The following PTPRD variants were observed in gnomAD, a reference collection of about 807,000 sequenced individuals.
PTPRD encodes receptor-type tyrosine-protein phosphatase delta.
Under a neutral mutation model 214.5 loss-of-function variants are expected in PTPRD, and 34 were observed. The observed-to-expected ratio is 0.16, with a 90% CI of 0.12 to 0.21. The LOEUF (loss-of-function observed/expected upper bound fraction) is 0.21, where lower values mean the gene tolerates loss of function less well. Among genes scored for constraint, PTPRD ranks in the 10% least tolerant of loss-of-function variants. PTPRD has a pLI of 1.00. For missense variants in PTPRD, 2,545 were observed against 2,398.7 expected (o/e 1.06, Z -1.27); for synonymous variants, 1,128 against 845.7 (o/e 1.33, Z -5.79).
At chr9:9,344,861 G>A (rs1287606208) in intron 9 of PTPRD, among the ~76,000 whole-genome samples, 1 of 152,020 alleles carries the variant, frequency 6.6e-6, no homozygotes, top group Non-Finnish European at 1.5e-5. Context: ...TACCTGTGGG[G>A]CCAATAAATG....
At chr9:10,532,231 G>C (rs986193576) in intron 2 of PTPRD, 1 of 152,498 alleles carries the variant, frequency 6.6e-6, no homozygotes, top group African/African-American at 2.4e-5. Context: ...GAGCTGAACA[G>C]CAAATCACTC....
chr9:9,474,482 C>T (rs1258789349), intron 8 of PTPRD, among the ~76,000 whole-genome samples: 1 of 151,926 alleles, frequency 6.6e-6, no homozygotes, highest in Non-Finnish European at 1.5e-5. Context: ...GTGAAGAATT[C>T]CATTGGTGTT....
intron 11 of PTPRD, among the ~76,000 whole-genome samples, chr9:8,775,842 G>GAA (rs5896257): frequency 1.7e-3 from 246 of 146,512 alleles, no homozygotes; most frequent in South Asian, 0.011. Context: ...TTTGAAAATG[G>GAA]AAAAAAAAAA....
intron 11 of PTPRD, among the ~76,000 whole-genome samples, chr9:8,837,160 G>C (rs1356790906): frequency 6.6e-6 from 1 of 151,754 alleles, no homozygotes; most frequent in Non-Finnish European, 1.5e-5. Context: ...CTAGTAGCTG[G>C]GATTACACCA....
intron 2 of PTPRD, among the ~76,000 whole-genome samples, chr9:10,549,595 A>C (rs192740961): frequency 6.6e-6 from 1 of 152,172 alleles, no homozygotes; most frequent in African/African-American, 2.4e-5. Flanking sequence ...ACAGATCATT[A>C]TGTTTAGACC....
At chr9:10,264,115 G>T (rs947157912) in intron 3 of PTPRD, among the ~76,000 whole-genome samples, 1 of 152,200 alleles carries the variant, frequency 6.6e-6, no homozygotes, top group Admixed American at 6.5e-5. Flanking sequence ...GGAAGTCCAG[G>T]CAGAAGTTTG....
intron 3 of PTPRD, among the ~76,000 whole-genome samples, chr9:10,311,157 C>G (rs913352159): frequency 6.6e-6 from 1 of 151,772 alleles, no homozygotes; most frequent in African/African-American, 2.4e-5. Context: ...TCCTTTTTCT[C>G]TAGTACTAGG....
intron 7 of PTPRD, among the ~76,000 whole-genome samples, chr9:9,596,815 A>T (rs534547074): frequency 6.6e-6 from 1 of 152,040 alleles, no homozygotes; most frequent in South Asian, 2.1e-4. Flanking sequence ...AATATAAAAC[A>T]CAATCTGCCC....
At chr9:9,423,011 G>C (rs939696513) in intron 8 of PTPRD, among the ~76,000 whole-genome samples, 1 of 152,070 alleles carries the variant, frequency 6.6e-6, no homozygotes, top group African/African-American at 2.4e-5. Flanking sequence ...CACAAAGTTT[G>C]GGGAAACCAG....
At chr9:9,514,317 A>G (rs907074117) in intron 8 of PTPRD, among the ~76,000 whole-genome samples, 3 of 152,030 alleles carry the variant, frequency 2.0e-5, no homozygotes, top group Non-Finnish European at 2.9e-5. Flanking sequence ...AGTTTTTTTG[A>G]TGGCATACAG....
chr9:9,296,451 T>C (rs1158389595), intron 9 of PTPRD, among the ~76,000 whole-genome samples: 2 of 151,814 alleles, frequency 1.3e-5, no homozygotes, highest in Non-Finnish European at 2.9e-5. Flanking sequence ...TGACCATATG[T>C]TCAAATATAT....
intron 5 of PTPRD, among the ~76,000 whole-genome samples, chr9:9,799,769 A>G (rs1351890674): frequency 1.3e-5 from 2 of 152,244 alleles, no homozygotes; most frequent in African/African-American, 4.8e-5. Context: ...AAAAGTAACA[A>G]AAGAGTTTGA....
intron 8 of PTPRD, among the ~76,000 whole-genome samples, chr9:9,542,195 C>T (rs1022148895): frequency 9.9e-5 from 15 of 151,660 alleles, no homozygotes; most frequent in African/African-American, 3.4e-4. Context: ...CGCAACAAAC[C>T]CTGGAGACAG....
At position 9,007,048 on chromosome 9, in the gene PTPRD, T is replaced by C. The variant is rs2099474708; in HGVS notation, c.-104+11649A>G. The stretch of plus-strand genomic sequence containing the variant: ...AAGTAAAAAGTAAGTTCAGCTTATC[T>C]TAACTTCTGACTGCTTGGTTATTTT... On this transcript the variant is annotated intron_variant, in intron 11 of 45. Coordinates refer to ENST00000381196, the MANE Select transcript of PTPRD (RefSeq NM_002839.4). Among the ~76,000 whole-genome samples, 6 of 152,074 alleles carry C rather than the reference T, an allele frequency of 3.9e-5. No individual in the cohort carries two copies. In the South Asian group the frequency reaches 1.2e-3, roughly 32 times the overall value.
chr9:8,647,930 G>C (rs527833171), intron 12 of PTPRD, among the ~76,000 whole-genome samples: 1 of 152,276 alleles, frequency 6.6e-6, no homozygotes, highest in Non-Finnish European at 1.5e-5. Flanking sequence ...TCTAGCTCTC[G>C]CATCATACCC....
intron 9 of PTPRD, among the ~76,000 whole-genome samples, chr9:9,373,523 T>C (rs2060063389): frequency 6.6e-6 from 1 of 152,060 alleles, no homozygotes. Flanking sequence ...GGACTGGTTC[T>C]TTCTGGAGTC....
At chr9:9,918,377 A>T (rs948187610) in intron 5 of PTPRD, among the ~76,000 whole-genome samples, 5 of 149,554 alleles carry the variant, frequency 3.3e-5, no homozygotes, top group Non-Finnish European at 7.5e-5. Flanking sequence ...AAAACTCCAC[A>T]ATGAAAACTA....
intron 14 of PTPRD, among the ~76,000 whole-genome samples, chr9:8,608,446 A>T (rs2095320974): frequency 6.6e-6 from 1 of 152,164 alleles, no homozygotes; most frequent in African/African-American, 2.4e-5. Flanking sequence ...TCACTGTGGT[A>T]TATTTTAGCG....
At chr9:9,505,308 G>C (rs2096544489) in intron 8 of PTPRD, among the ~76,000 whole-genome samples, 1 of 151,428 alleles carries the variant, frequency 6.6e-6, no homozygotes. Context: ...CTTCTTTATA[G>C]ATCATTTCAT....
Sources: allele counts gnomAD v4.1 joint callset (sites outside exome capture counted in the v4.1 genomes callset), GRCh38; gene constraint gnomAD v4.1.1; transcripts MANE v1.5; gene names NCBI Gene and HGNC (gene_info 2026-07-23, HGNC 2026-07-21).